The following HMCN1 variants were observed in gnomAD, a reference collection of about 807,000 sequenced individuals.
HMCN1 encodes the protein hemicentin-1.
Under a neutral mutation model 625.9 loss-of-function variants are expected in HMCN1, and 321 were observed. That is an observed-to-expected ratio of 0.51 (90% CI 0.47 to 0.56). The LOEUF (loss-of-function observed/expected upper bound fraction) is 0.56. HMCN1 is among the 20% of genes least tolerant of loss of function. The probability of loss-of-function intolerance (pLI) is 0.00; values close to 1 mark genes in which losing one functional copy is unlikely to be tolerated. For synonymous variants in HMCN1, 2,425 were observed against 2,417.6 expected, an observed-to-expected ratio of 1.00 and a Z score of -0.09; for missense variants, 6,588 against 6,887.3, an observed-to-expected ratio of 0.96 and a Z score of 1.54.
chr1:185,997,493 T>C lies in HMCN1; in HGVS notation c.3843T>C (p.Asn1281=). 6.2e-7 allele frequency: 1 copy of C among 1,612,180 alleles called. No homozygotes were observed. The highest frequency in any genetic ancestry group is 8.5e-7 in the Non-Finnish European group (1 of 1,178,678). ...YNTTFQERVA[N]QRIEFPCPAK... is the part of the protein sequence containing the mutation. ...CTACTTTCCAAGAAAGAGTGGCCAA[T>C]CAACGCATTGAATTTCCATGTCCTG... is the stretch of plus-strand genomic sequence containing the variant. Residue 1281 remains asparagine (N), a synonymous_variant, in exon 25 of 107, where the codon AAT becomes AAC. Transcript: ENST00000271588.
rs1666004338 is a variant in HMCN1, at chr1:185,904,777, T to C, written c.622-4560T>C. On this transcript the variant is annotated intron_variant, in intron 4 of 106. Transcript: ENST00000271588. ...AGTTGTGAAGATCAATATAAGACTT[T>C]AAGAAGTATCCATCATCTAATAAGC... Among the ~76,000 whole-genome samples the C allele has an allele frequency of 2.0e-5, 3 of 151,854 alleles. No homozygotes were observed. In the South Asian group the frequency reaches 6.2e-4, roughly 31 times the overall value.
chr1:185,888,083 T>A (rs1245288825), intron 4 of HMCN1, among the ~76,000 whole-genome samples: 1 of 136,814 alleles, frequency 7.3e-6, no homozygotes, highest in African/African-American at 3.0e-5. Flanking sequence ...TTTTCATGTG[T>A]TTTTTGGCTG....
intron 5 of HMCN1, among the ~76,000 whole-genome samples, chr1:185,910,661 C>T (rs1397064590): frequency 6.6e-6 from 1 of 151,552 alleles, no homozygotes; most frequent in African/African-American, 2.4e-5. Flanking sequence ...ACCTCTCCCT[C>T]CTGGGTTCAA....
Position 186,117,531 on chromosome 1 carries a change from C to G in HMCN1, c.11756C>G (p.Thr3919Ser). 1 of 1,613,864 alleles carries G rather than the reference C, an allele frequency of 6.2e-7. No homozygotes were observed. The highest frequency in any genetic ancestry group is 1.1e-5 in the South Asian group (1 of 91,078). Residue 3919 changes from threonine to serine, a missense_variant, in exon 77 of 107, where the codon ACT (threonine) becomes AGT (serine). By Grantham distance (58) the Thr-to-Ser change is moderately conservative. Around this residue, in one of 3 missense-constraint regions of HMCN1, gnomAD observed 4,628 missense variants for 4,853.1 expected, o/e 0.95. Transcript: ENST00000271588. ...CATGCCCCAGCAGTAATTACCTGCA[C>G]TGCTTCGGGAGTTCCATTTCCCTCA... ...TKHAPAVITC[T>S]ASGVPFPSIH...
intron 1 of HMCN1, among the ~76,000 whole-genome samples, chr1:185,825,953 T>G (rs1660485980): frequency 6.6e-6 from 1 of 152,204 alleles, no homozygotes; most frequent in Admixed American, 6.5e-5. Flanking sequence ...ATTATTTTGT[T>G]TCTATAAAAA....
intron 52 of HMCN1, among the ~76,000 whole-genome samples, chr1:186,072,640 T>G (rs1331372530): frequency 6.6e-6 from 1 of 152,140 alleles, no homozygotes; most frequent in African/African-American, 2.4e-5. Flanking sequence ...AAGACCTCAC[T>G]GATAAGGTGA....
chr1:185,979,636 G>A (rs1449627883), intron 16 of HMCN1, among the ~76,000 whole-genome samples: 1 of 152,140 alleles, frequency 6.6e-6, no homozygotes. Context: ...TATTAATGGG[G>A]TGGTTTGCTG....
intron 36 of HMCN1, among the ~76,000 whole-genome samples, chr1:186,030,517 A>G (rs1655356522): frequency 6.6e-6 from 1 of 151,692 alleles, no homozygotes; most frequent in East Asian, 1.9e-4. Context: ...TTCTTTTTCC[A>G]TTACTGTTTG....
chr1:186,148,762 A>G (rs930213294), intron 93 of HMCN1, among the ~76,000 whole-genome samples: 2 of 152,020 alleles, frequency 1.3e-5, no homozygotes, highest in African/African-American at 4.8e-5. Flanking sequence ...CCTGACCTAG[A>G]AAATGTATTT....
At chr1:185,745,026 T>A (rs1316939755) in intron 1 of HMCN1, among the ~76,000 whole-genome samples, 2 of 152,142 alleles carry the variant, frequency 1.3e-5, no homozygotes. Context: ...TCCAATGGAC[T>A]GGACATGGTC....
chr1:186,012,002 G>A (rs546094231), intron 30 of HMCN1, among the ~76,000 whole-genome samples: 3 of 152,280 alleles, frequency 2.0e-5, no homozygotes, highest in East Asian at 3.9e-4. Context: ...TTGACCTGCT[G>A]TGTGGTAAGG....
intron 4 of HMCN1, among the ~76,000 whole-genome samples, chr1:185,894,645 C>A (rs933125692): frequency 2.0e-5 from 3 of 152,156 alleles, no homozygotes; most frequent in African/African-American, 4.8e-5. Context: ...ACCTCTGCAC[C>A]AACATTTGGT....
intron 81 of HMCN1, among the ~76,000 whole-genome samples, chr1:186,124,462 CAA>C (rs896266980): frequency 2.6e-5 from 4 of 151,808 alleles, no homozygotes; most frequent in African/African-American, 9.7e-5. Flanking sequence ...TATCCCGTAA[CAA>C]AAGACAAATA....
chr1:186,166,730 TG>T, intron 99 of HMCN1, 77 bp from the exon 100 acceptor site: 8 of 1,602,938 alleles, frequency 5.0e-6, no homozygotes, highest in Non-Finnish European at 6.8e-6. Context: ...CACTGCTTTT[TG>T]TATCCCTATT....
At chr1:185,834,576 T>A (rs775879330) in intron 1 of HMCN1, among the ~76,000 whole-genome samples, 1 of 152,222 alleles carries the variant, frequency 6.6e-6, no homozygotes, top group African/African-American at 2.4e-5. Flanking sequence ...TATGCAAGAA[T>A]GCAAGACAGA....
At chr1:185,790,714 T>A (rs1035222710) in intron 1 of HMCN1, among the ~76,000 whole-genome samples, 2 of 152,210 alleles carry the variant, frequency 1.3e-5, no homozygotes, top group African/African-American at 2.4e-5. Context: ...AGGCACTAAT[T>A]GCTGATTGCA....
chr1:186,103,763 T>A (rs1055979724), intron 69 of HMCN1, 95 bp downstream of exon 69: 6 of 1,018,342 alleles, frequency 5.9e-6, no homozygotes, highest in Non-Finnish European at 7.4e-6. Context: ...TGAATCCTTA[T>A]ATATCACAGA....
intron 36 of HMCN1, among the ~76,000 whole-genome samples, chr1:186,031,004 A>G (rs1655397102): frequency 6.6e-6 from 1 of 151,944 alleles, no homozygotes; most frequent in Non-Finnish European, 1.5e-5. Context: ...ACTGCTTTAT[A>G]TTATCATCTT....
intron 4 of HMCN1, among the ~76,000 whole-genome samples, chr1:185,889,465 T>C (rs895530990): frequency 9.6e-5 from 14 of 145,484 alleles, no homozygotes; most frequent in Non-Finnish European, 1.9e-4. Flanking sequence ...ATAGCTCTTA[T>C]TATTTTGAAA....
Sources: gnomAD v4.1 joint callset for allele counts (sites outside exome capture counted in the v4.1 genomes callset) on GRCh38, gnomAD v4.1.1 for gene constraint, gnomAD v4.1.1 regional missense constraint, MANE v1.5 for transcripts, NCBI Gene and HGNC (gene_info 2026-07-23, HGNC 2026-07-21) for gene names.